Variants in FAM149A observed in about 807,000 individuals in gnomAD.
FAM149A encodes the protein family with sequence similarity 149 member A, also known as protein FAM149A.
Under a neutral mutation model 78.2 loss-of-function variants are expected in FAM149A, and 71 were observed. The ratio of observed to expected loss-of-function variants is 0.91; its 90% CI spans 0.75 to 1.11. The LOEUF (loss-of-function observed/expected upper bound fraction) is 1.11, where lower values mean the gene tolerates loss of function less well. Ranked by LOEUF, FAM149A falls within the 50% of genes least tolerant of loss-of-function variation. The pLI, the probability that FAM149A is intolerant of heterozygous loss-of-function variation, is 0.00. For missense variants in FAM149A, 1,036 were observed against 971.0 expected (o/e 1.07, Z -0.89); for synonymous variants, 446 against 410.5 (o/e 1.09, Z -1.04).
At chr4:186,131,790 TA>T in intron 1 of FAM149A, 1 of 544,792 alleles carries the variant, frequency 1.8e-6, no homozygotes, top group Non-Finnish European at 2.3e-6. Context: ...CGAGGATAGG[TA>T]AGGACCTCTG....
intron 1 of FAM149A, among the ~76,000 whole-genome samples, chr4:186,130,490 C>G (rs2099320346): frequency 2.0e-5 from 3 of 150,430 alleles, no homozygotes. Flanking sequence ...ATCCTCCCAC[C>G]TCAGCCTCCC....
rs1336683278 is a variant in FAM149A, at chr4:186,174,117, A to G, written c.*2130A>G. ...TTTTTTTTACTTGAAGTTCAGGGGT[A>G]CATGTGCAGGTTGTTACATAGGTAA... On this transcript the variant is annotated 3_prime_UTR_variant, in exon 14 of 14. Coordinates refer to ENST00000389354, the MANE Select transcript of FAM149A (RefSeq NM_001367768.3). Among the ~76,000 whole-genome samples, 1 of 105,038 alleles carries G rather than the reference A, an allele frequency of 9.5e-6. No individual in the cohort carries two copies. The highest frequency in any genetic ancestry group is 3.0e-5 in the African/African-American group (1 of 32,970). 68.9% of individuals were successfully genotyped at this position (105,038 alleles called of 152,430 possible).
chr4:186,125,685 G>C (rs942774198), intron 1 of FAM149A: 3 of 983,932 alleles, frequency 3.0e-6, no homozygotes, highest in Non-Finnish European at 3.6e-6. Flanking sequence ...GAAATATGGG[G>C]CTTAATAAAT....
rs1053753213 is a variant in FAM149A at position 186,105,415 on chromosome 4, C to T, written c.339C>T (p.Pro113=). 1.6e-5 allele frequency: 19 copies of T among 1,191,314 alleles called. No individual in the cohort carries two copies. The highest frequency in any genetic ancestry group is 1.9e-5 in the Non-Finnish European group (18 of 947,752). 73.8% of individuals were successfully genotyped at this position (1,191,314 alleles called of 1,614,324 possible). ...AAGCCCCGCCCCAGCCCCCCACTCC[C>T]TCCGGCGGGGGCTGCTCCCCTGCTC... The change falls in exon 1 of 14, where the codon CCC becomes CCT. Residue 113 remains proline, a synonymous_variant. Coordinates refer to ENST00000389354, the MANE Select transcript of FAM149A (RefSeq NM_001367768.3).
chr4:186,123,534 A>G (rs2150093878), intron 1 of FAM149A: 1 of 292,628 alleles, frequency 3.4e-6, no homozygotes, highest in Non-Finnish European at 5.1e-6. Flanking sequence ...ATGAGGGAGA[A>G]AGAGCACGTG....
chr4:186,164,424 C>T lies in FAM149A; in HGVS notation c.1889+791C>T, dbSNP rs1734856096. The T allele has an allele frequency of 4.1e-6, 4 of 984,368 alleles. No homozygotes were observed. The highest frequency in any genetic ancestry group is 1.1e-4 in the East Asian group (1 of 8,798). The allele number at this position is 984,368 out of a possible 1,614,324, so 61.0% of individuals were successfully genotyped here. A position where few individuals can be genotyped will look rare whatever the true frequency, so the allele number is the denominator to read the frequency against. On this transcript the variant is annotated intron_variant, in intron 10 of 13. Transcript: ENST00000389354. This position sits in a 1 kb window ranked among gnomAD's most constrained non-coding sequence, Gnocchi z 4.0. ...ACTGGACCCCCGGCCTGCAGGGGAG[C>T]TGTTATCAGGAGCCGAGCTCAGGAG...
chr4:186,149,745 T>G (rs1173995937), intron 3 of FAM149A, 41 bp downstream of exon 3: 1 of 1,222,614 alleles, frequency 8.2e-7, no homozygotes, highest in African/African-American at 1.6e-5. Flanking sequence ...TAATTACAGT[T>G]TATAGTGAAG....
chr4:186,109,972 A>C, intron 1 of FAM149A: 2 of 985,452 alleles, frequency 2.0e-6, no homozygotes, highest in Non-Finnish European at 2.4e-6. Flanking sequence ...CTCTGGGATC[A>C]AACTTTTAAT....
Position 186,105,441 on chromosome 4 carries a change from G to C in FAM149A, c.365G>C (p.Arg122Pro). The C allele has an allele frequency of 4.1e-6, 5 of 1,214,838 alleles. No individual in the cohort carries two copies. Among genetic ancestry groups the C allele is most frequent in the Non-Finnish European group, 5.2e-6 (5 of 958,308 alleles). 75.3% of individuals were successfully genotyped at this position (1,214,838 alleles called of 1,614,324 possible). Residue 122 changes from arginine (R) to proline (P), a missense_variant, in exon 1 of 14, where the codon CGC becomes CCC. By Grantham distance (103) the Arg-to-Pro change is moderately radical. This residue lies in a region of FAM149A where 316 missense variants were observed against 241.9 expected (regional missense o/e 1.31). Transcript: ENST00000389354. ...TCCGGCGGGGGCTGCTCCCCTGCTC[G>C]CCTGGTGGTCCCAGCGCGGCCGCCC...
intron 1 of FAM149A, among the ~76,000 whole-genome samples, chr4:186,117,107 T>TAA (rs76210856): frequency 0.99 from 150,261 of 152,238 alleles, 74,188 homozygotes; most frequent in Non-Finnish European, 1. Flanking sequence ...TTGTAAGGAT[T>TAA]AAGAGATCAT....
At chr4:186,165,814 A>G (rs899674069) in intron 11 of FAM149A, among the ~76,000 whole-genome samples, 2 of 152,194 alleles carry the variant, frequency 1.3e-5, no homozygotes, top group East Asian at 1.9e-4. Flanking sequence ...ACTCTCTTCT[A>G]TGACTTGGTG....
In FAM149A at chr4:186,143,055, AAATATATGTAAG is replaced by A. The variant is rs571690889; in HGVS notation, c.567-6106_567-6095del. On this transcript the variant is annotated intron_variant, in intron 1 of 13. Coordinates refer to ENST00000389354, the MANE Select transcript of FAM149A (RefSeq NM_001367768.3). ...ATAGTGTCTACCTACTATGGGTGTT[AAATATATGTAAG>A]AATATATGTAAAATAATATATATAA... Among the ~76,000 whole-genome samples the A allele has an allele frequency of 2.8e-3, 428 of 152,172 alleles. 3 individuals are homozygous for A. The highest frequency in any genetic ancestry group is 9.1e-3 in the African/African-American group (378 of 41,540).
At chr4:186,169,228 T>C (rs1336585527) in intron 13 of FAM149A, 1 of 983,562 alleles carries the variant, frequency 1.0e-6, no homozygotes, top group Non-Finnish European at 1.2e-6. Context: ...ATGCTAGTCA[T>C]TGTTTCTACA....
chr4:186,118,843 A>C lies in FAM149A; in HGVS notation c.566+13201A>C, dbSNP rs537619893. Among the ~76,000 whole-genome samples, 46 of 152,246 alleles carry C rather than the reference A, an allele frequency of 3.0e-4. 1 individual carries two copies. The South Asian group carries it at 8.9e-3, about 30-fold the overall frequency. On this transcript the variant is annotated intron_variant, in intron 1 of 13. Coordinates refer to ENST00000389354, the MANE Select transcript of FAM149A (RefSeq NM_001367768.3). ...AGCCAAGCACCCACTGCCTGGGAGG[A>C]GGGAGCTTCCCATTCTTATTCCTGC...
At chr4:186,123,121 C>A (rs2099316802) in intron 1 of FAM149A, 2 of 634,358 alleles carry the variant, frequency 3.2e-6, no homozygotes, top group Non-Finnish European at 2.0e-6. Flanking sequence ...CCTCTGCATT[C>A]AAACACTGGT....
intron 1 of FAM149A, among the ~76,000 whole-genome samples, chr4:186,135,974 T>C (rs2099322524): frequency 6.6e-6 from 1 of 152,208 alleles, no homozygotes; most frequent in Admixed American, 6.5e-5. Context: ...AGTTGGGGCT[T>C]ACAGATGTAT....
chr4:186,130,104 C>T (rs1263526869), intron 1 of FAM149A: 1 of 151,936 alleles, frequency 6.6e-6, no homozygotes, highest in East Asian at 1.9e-4. Context: ...TGTTTTTTGC[C>T]ATTCCTGTCC....
intron 1 of FAM149A, chr4:186,109,453 A>G: frequency 1.0e-6 from 1 of 978,734 alleles, no homozygotes; most frequent in Non-Finnish European, 1.2e-6. Context: ...ACACTGAGGC[A>G]GCCTCCAGTG....
At chr4:186,150,395 T>TCTCTCTC (rs1401107442) in intron 3 of FAM149A, among the ~76,000 whole-genome samples, 6 of 125,436 alleles carry the variant, frequency 4.8e-5, no homozygotes, top group African/African-American at 9.4e-5. Flanking sequence ...CTTGCTTGCT[T>TCTCTCTC]TCTCTCTCTC....
Sources: allele counts gnomAD v4.1 joint callset (sites outside exome capture counted in the v4.1 genomes callset), GRCh38; gene constraint gnomAD v4.1.1; regional missense constraint gnomAD v4.1.1; non-coding constraint Gnocchi (gnomAD v3.1); transcripts MANE v1.5; gene names NCBI Gene and HGNC (gene_info 2026-07-23, HGNC 2026-07-21).